Variants in DCC observed in about 807,000 individuals in gnomAD.
DCC encodes netrin receptor DCC.
DCC carries 58 observed loss-of-function variants against 172.5 expected under a neutral mutation model. The ratio of observed to expected loss-of-function variants is 0.34; its 90% CI spans 0.27 to 0.42. The LOEUF is 0.42. Among genes scored for constraint, DCC ranks in the 10% least tolerant of loss-of-function variants. The probability of loss-of-function intolerance (pLI) is 1.00; values close to 1 mark genes in which losing one functional copy is unlikely to be tolerated. For synonymous variants in DCC, 709 were observed against 644.5 expected, an observed-to-expected ratio of 1.10 and a Z score of -1.52; for missense variants, 1,740 against 1,791.0, an observed-to-expected ratio of 0.97 and a Z score of 0.51.
chr18:52,696,633 A>G (rs953917663), intron 1 of DCC, among the ~76,000 whole-genome samples: 2 of 152,232 alleles, frequency 1.3e-5, no homozygotes, highest in African/African-American at 4.8e-5. Context: ...GCTAAACTGG[A>G]GCTCACAAAT....
At chr18:52,855,408 G>A (rs776389737) in intron 2 of DCC, among the ~76,000 whole-genome samples, 8 of 152,146 alleles carry the variant, frequency 5.3e-5, no homozygotes, top group Non-Finnish European at 1.2e-4. Context: ...TTAGGTTTCC[G>A]TATAGCTTTA....
intron 1 of DCC, among the ~76,000 whole-genome samples, chr18:52,490,276 T>C (rs1420403727): frequency 2.0e-5 from 3 of 152,098 alleles, no homozygotes; most frequent in Non-Finnish European, 4.4e-5. Flanking sequence ...ACAAATAAAA[T>C]AGGAAGTTTT....
At chr18:53,517,604 C>T (rs887699159) in intron 27 of DCC, among the ~76,000 whole-genome samples, 1 of 152,026 alleles carries the variant, frequency 6.6e-6, no homozygotes, top group Non-Finnish European at 1.5e-5. Flanking sequence ...CAATGAAAGC[C>T]ACGTTACTTG....
chr18:52,909,223 T>C (rs115400672), intron 3 of DCC, among the ~76,000 whole-genome samples: 6 of 152,330 alleles, frequency 3.9e-5, no homozygotes, highest in African/African-American at 1.4e-4. Context: ...GAGGCAGTAA[T>C]AAATTACATA....
At chr18:52,533,909 C>G (rs1293372938) in intron 1 of DCC, among the ~76,000 whole-genome samples, 2 of 152,058 alleles carry the variant, frequency 1.3e-5, no homozygotes, top group African/African-American at 4.8e-5. Flanking sequence ...AGATTTCATG[C>G]TGTTACTATT....
chr18:52,883,911 T>A (rs2039531961), intron 2 of DCC, among the ~76,000 whole-genome samples: 1 of 151,548 alleles, frequency 6.6e-6, no homozygotes. Context: ...ATCCCCTAAG[T>A]TTTGTGTATC....
intron 2 of DCC, among the ~76,000 whole-genome samples, chr18:52,780,066 T>A (rs2145183169): frequency 6.6e-6 from 1 of 152,368 alleles, no homozygotes; most frequent in East Asian, 1.9e-4. Flanking sequence ...TGGCCTTTTA[T>A]ACCTTTATTT....
intron 1 of DCC, among the ~76,000 whole-genome samples, chr18:52,396,705 A>G (rs1393037279): frequency 6.6e-6 from 1 of 152,110 alleles, no homozygotes; most frequent in East Asian, 1.9e-4. Context: ...GGTGCATTAT[A>G]CTGTAATGAA....
At chr18:52,695,744 G>T (rs1040235747) in intron 1 of DCC, among the ~76,000 whole-genome samples, 12 of 152,142 alleles carry the variant, frequency 7.9e-5, no homozygotes, top group African/African-American at 2.4e-4. Context: ...TTTCAAGAAA[G>T]GTTCTTCTCC....
intron 1 of DCC, among the ~76,000 whole-genome samples, chr18:52,462,380 T>C (rs7505602): frequency 0.97 from 148,245 of 152,148 alleles, 72,341 homozygotes; most frequent in Middle Eastern, 1. Context: ...ACAATCTGTG[T>C]CCCCATTTTA....
At chr18:52,478,167 T>C (rs1296913724) in intron 1 of DCC, among the ~76,000 whole-genome samples, 1 of 152,160 alleles carries the variant, frequency 6.6e-6, no homozygotes, top group Non-Finnish European at 1.5e-5. Flanking sequence ...TATTTTTGAA[T>C]GAAATTTGTT....
rs554758572 is a variant in DCC, at chr18:52,879,466, C to T, written c.413-26578C>T. Among the ~76,000 whole-genome samples the T allele has an allele frequency of 1.1e-4, 12 of 105,322 alleles. No individual in the cohort carries two copies. The South Asian group carries it at 3.5e-3, about 31-fold the overall frequency. 69.1% of individuals were successfully genotyped at this position (105,322 alleles called of 152,430 possible). On this transcript the variant is annotated intron_variant, in intron 2 of 28. Coordinates refer to ENST00000442544, the MANE Select transcript of DCC (RefSeq NM_005215.4). ...TGAGATGGAGTTTCACTCTGCCGCC[C>T]AGGCTGGAGTGCAGTGGCACGATCT...
At chr18:53,196,743 G>A (rs537847533) in intron 9 of DCC, among the ~76,000 whole-genome samples, 12 of 152,090 alleles carry the variant, frequency 7.9e-5, no homozygotes, top group South Asian at 2.1e-4. Context: ...ACACACATAC[G>A]TAATGGCGCA....
chr18:52,439,819 C>A (rs527843349), intron 1 of DCC, among the ~76,000 whole-genome samples: 1 of 151,980 alleles, frequency 6.6e-6, no homozygotes, highest in Non-Finnish European at 1.5e-5. Context: ...TACCATAATG[C>A]GAGTATTACG....
intron 7 of DCC, among the ~76,000 whole-genome samples, chr18:53,102,918 G>A (rs1335599459): frequency 2.0e-5 from 3 of 152,050 alleles, no homozygotes; most frequent in African/African-American, 7.2e-5. Context: ...TTCACCGATT[G>A]CCTGGATTAT....
intron 1 of DCC, among the ~76,000 whole-genome samples, chr18:52,706,507 G>A (rs1019189446): frequency 1.3e-5 from 2 of 152,138 alleles, no homozygotes; most frequent in African/African-American, 2.4e-5. Context: ...AAGTTTCTGG[G>A]AGGCTATTTC....
Position 52,585,810 on chromosome 18 carries a change from G to A in DCC, c.92-166244G>A, listed in dbSNP as rs373094726. 7.9e-5 allele frequency among the ~76,000 whole-genome samples: 12 copies of A among 152,212 alleles called. No individual in the cohort carries two copies. The South Asian group carries it at 1.2e-3, about 16-fold the overall frequency. Reference sequence around the variant, plus strand: ...AGAATACCAACACTGTCGGCCGGGCGCGGTGGCTCACGCCTGTAATCCCAG... The same window carrying A: ...AGAATACCAACACTGTCGGCCGGGCACGGTGGCTCACGCCTGTAATCCCAG... On this transcript the variant is annotated intron_variant, in intron 1 of 28. Transcript: ENST00000442544.
chr18:52,574,152 T>A lies in DCC; in HGVS notation c.92-177902T>A, dbSNP rs554147379. Among the ~76,000 whole-genome samples the A allele has an allele frequency of 3.3e-5, 5 of 152,330 alleles. No homozygotes were observed. In the East Asian group the frequency reaches 9.6e-4, roughly 29 times the overall value. On this transcript the variant is annotated intron_variant, in intron 1 of 28. Transcript: ENST00000442544. Reference sequence around the variant, plus strand: ...GTTGTTTAACGTTTTTAAATCACTTTGTTAAATCATTTTAAAAATGTAAAA... The same window carrying A: ...GTTGTTTAACGTTTTTAAATCACTTAGTTAAATCATTTTAAAAATGTAAAA...
chr18:52,694,131 A>G (rs551010429), intron 1 of DCC, among the ~76,000 whole-genome samples: 1 of 152,186 alleles, frequency 6.6e-6, no homozygotes, highest in South Asian at 2.1e-4. Flanking sequence ...ACTTCTATGG[A>G]GTTCTTCCCA....
Sources: allele counts gnomAD v4.1 joint callset (sites outside exome capture counted in the v4.1 genomes callset), GRCh38; gene constraint gnomAD v4.1.1; transcripts MANE v1.5; gene names NCBI Gene and HGNC (gene_info 2026-07-23, HGNC 2026-07-21).